SFRP4: variants seen among roughly 807,000 people sequenced by gnomAD.
The protein encoded by SFRP4 is secreted frizzled related protein 4.
SFRP4 carries 25 observed loss-of-function variants against 36.3 expected under a neutral mutation model. That is an observed-to-expected ratio of 0.69 (90% CI 0.50 to 0.96). The LOEUF (loss-of-function observed/expected upper bound fraction) is 0.96. Ranked by LOEUF, SFRP4 falls within the 40% of genes least tolerant of loss-of-function variation. The pLI is 0.00. For synonymous variants in SFRP4, 182 were observed against 168.8 expected (o/e 1.08, Z -0.60); for missense variants, 487 against 459.6 (o/e 1.06, Z -0.54).
chr7:37,916,473 G>A lies in SFRP4; in HGVS notation c.65C>T (p.Ala22Val), dbSNP rs769250207. 1.9e-5 allele frequency: 30 copies of A among 1,613,022 alleles called. No homozygotes were observed. The highest frequency in any genetic ancestry group is 2.2e-5 in the Non-Finnish European group (26 of 1,179,638). The change falls in exon 1 of 6, where the codon GCG (alanine) becomes GTG (valine). Residue 22 changes from alanine to valine, a missense_variant. By Grantham distance (64) the Ala-to-Val change is moderately conservative (BLOSUM62 0). Coordinates refer to ENST00000436072, the MANE Select transcript of SFRP4 (RefSeq NM_003014.4). The surrounding 1 kb of genome is among the most constrained non-coding windows in gnomAD (Gnocchi z 4.1). ...AGGGATGCGCACCGCCTCGCAGGGCGCGCCGCGCACGCCCAGCGCCAGGTG... is the reference window on the plus strand; with the variant it reads ...AGGGATGCGCACCGCCTCGCAGGGCACGCCGCGCACGCCCAGCGCCAGGTG... ...WLHLALGVRG[A>V]PCEAVRIPMC... is the part of the protein sequence containing the mutation.
chr7:37,910,222 CTAACAT>C (rs1785461887), intron 4 of SFRP4, among the ~76,000 whole-genome samples: 1 of 151,948 alleles, frequency 6.6e-6, no homozygotes, highest in African/African-American at 2.4e-5. Context: ...ATCCAATTCA[CTAACAT>C]TAAGAATTAG....
chr7:37,909,341 A>G (rs1362795561), intron 5 of SFRP4, among the ~76,000 whole-genome samples: 2 of 152,174 alleles, frequency 1.3e-5, no homozygotes, highest in African/African-American at 4.8e-5. Flanking sequence ...AACTACATGT[A>G]ATAAAGAAAC....
chr7:37,916,280 G>T lies in SFRP4; in HGVS notation c.258C>A (p.Thr86=). ...FLCAMYAPIC[T]LEFLHDPIKP... is the part of the protein sequence containing the mutation. ...TGATAGGGTCGTGCAGGAACTCCAG[G>T]GTGCAAATGGGCGCGTACATGGCAC... The change falls in exon 1 of 6, where the codon ACC becomes ACA. Residue 86 remains threonine, a synonymous_variant. Coordinates refer to ENST00000436072, the MANE Select transcript of SFRP4 (RefSeq NM_003014.4). The surrounding 1 kb of genome is among the most constrained non-coding windows in gnomAD (Gnocchi z 4.1). The T allele has an allele frequency of 6.2e-7, 1 of 1,614,192 alleles. No individual in the cohort carries two copies. The highest frequency in any genetic ancestry group is 1.1e-5 in the South Asian group (1 of 91,084).
At chr7:37,911,686 T>C (rs1785489786) in intron 4 of SFRP4, among the ~76,000 whole-genome samples, 1 of 152,192 alleles carries the variant, frequency 6.6e-6, no homozygotes, top group African/African-American at 2.4e-5. Context: ...TTTGCAATAC[T>C]CTATCAAATA....
chr7:37,915,827 A>G (rs186551673), intron 1 of SFRP4, among the ~76,000 whole-genome samples: 137 of 152,328 alleles, frequency 9.0e-4, no homozygotes, highest in Non-Finnish European at 1.7e-3. Context: ...TTCTGTTATT[A>G]CTATAAATGC....
chr7:37,912,010 TA>T (rs1785495486), intron 4 of SFRP4, 108 bp downstream of exon 4: 2 of 781,254 alleles, frequency 2.6e-6, no homozygotes, highest in Non-Finnish European at 4.1e-6. Context: ...CTAATTTTTT[TA>T]AAAAGACTTT....
Position 37,907,262 on chromosome 7 carries a change from C to T in SFRP4, c.*217G>A. The stretch of plus-strand genomic sequence containing the variant: ...TTTTCCACCAGCTTTAACTCACCTT[C>T]TGTACCAAAGGGCAAACCTACCACT... On this transcript the variant is annotated 3_prime_UTR_variant, in exon 6 of 6. Transcript: ENST00000436072. 1 of 466,694 alleles carries T rather than the reference C, an allele frequency of 2.1e-6. No homozygotes were observed. The highest frequency in any genetic ancestry group is 3.8e-6 in the Non-Finnish European group (1 of 264,628). 28.9% of individuals were successfully genotyped at this position (466,694 alleles called of 1,614,324 possible).
intron 1 of SFRP4, among the ~76,000 whole-genome samples, chr7:37,914,864 CA>C (rs1304854848): frequency 1.3e-5 from 2 of 151,992 alleles, no homozygotes; most frequent in Non-Finnish European, 2.9e-5. Context: ...GGCTCCATCT[CA>C]AAAAAAGAAA....
rs764670979 is a variant in SFRP4 at position 37,909,670 on chromosome 7, G to T, written c.802C>A (p.Leu268Ile). 13 of 1,576,426 alleles carry T rather than the reference G, an allele frequency of 8.2e-6. No individual in the cohort carries two copies. The highest frequency in any genetic ancestry group is 1.1e-5 in the Non-Finnish European group (13 of 1,157,806). ...CYEWRSRMML[L>I]ENCLVEKWRD... is the part of the protein sequence containing the mutation. ...CATTTTTCAACTAAGCAATTTTCAAGAAGCATCATCCTGAAAAAAAATTAT... is the reference window on the plus strand; with the variant it reads ...CATTTTTCAACTAAGCAATTTTCAATAAGCATCATCCTGAAAAAAAATTAT... Residue 268 changes from leucine (L) to isoleucine (I), a missense_variant, in exon 5 of 6, where the codon CTT becomes ATT. Coordinates refer to ENST00000436072, the MANE Select transcript of SFRP4 (RefSeq NM_003014.4).
In SFRP4 at chr7:37,910,186, G is replaced by C. The variant is rs533131048; in HGVS notation, c.792-506C>G. On this transcript the variant is annotated intron_variant, in intron 4 of 5. Transcript: ENST00000436072. Reference sequence around the variant, plus strand: ...AAAGATTTTCAATGCATAGTGCCAAGTTGTTTTCAAAATGGTTGCACTTTC... The same window carrying C: ...AAAGATTTTCAATGCATAGTGCCAACTTGTTTTCAAAATGGTTGCACTTTC... 3.9e-5 allele frequency among the ~76,000 whole-genome samples: 6 copies of C among 152,070 alleles called. No homozygotes were observed. The East Asian group carries it at 9.6e-4, about 24-fold the overall frequency.
In SFRP4 at chr7:37,907,229, A is replaced by C; in HGVS notation, c.*250T>G. Reference sequence around the variant, plus strand: ...ACACAGGTTACTCTGAATGCAATGCAATAAGCCTTTTCCACCAGCTTTAAC... The same window carrying C: ...ACACAGGTTACTCTGAATGCAATGCCATAAGCCTTTTCCACCAGCTTTAAC... On this transcript the variant is annotated 3_prime_UTR_variant, in exon 6 of 6. Coordinates refer to ENST00000436072, the MANE Select transcript of SFRP4 (RefSeq NM_003014.4). 1 of 392,628 alleles carries C rather than the reference A, an allele frequency of 2.5e-6. No individual in the cohort carries two copies. The highest frequency in any genetic ancestry group is 4.5e-6 in the Non-Finnish European group (1 of 220,684). The allele number at this position is 392,628 out of a possible 1,614,324, so 24.3% of individuals were successfully genotyped here.
At position 37,916,571 on chromosome 7, in the gene SFRP4, CAGAA is replaced by C. The variant is rs759853585; in HGVS notation, c.-38_-35del. ...CCTCTCGCGCTGCGACCCCGGCAGA[CAGAA>C]AGCGCCCTTCTCTTCCTGCCACCCT... On this transcript the variant is annotated 5_prime_UTR_variant, in exon 1 of 6. Transcript: ENST00000436072. This position sits in a 1 kb window ranked among gnomAD's most constrained non-coding sequence, Gnocchi z 4.1. 5.0e-6 allele frequency: 8 copies of C among 1,585,204 alleles called. No individual in the cohort carries two copies. The Admixed American group carries it at 6.8e-5, about 13-fold the overall frequency.
intron 5 of SFRP4, among the ~76,000 whole-genome samples, chr7:37,909,383 A>G (rs1227438972): frequency 6.6e-6 from 1 of 152,174 alleles, no homozygotes; most frequent in Non-Finnish European, 1.5e-5. Flanking sequence ...AATAACCAGT[A>G]CCTTAGTATT....
Position 37,916,033 on chromosome 7 carries a change from G to A in SFRP4, c.445+60C>T, listed in dbSNP as rs1475296759. The A allele has an allele frequency of 6.4e-6, 10 of 1,554,248 alleles. No individual in the cohort carries two copies. In the East Asian group the frequency reaches 6.8e-5, roughly 11 times the overall value. On this transcript the variant is annotated intron_variant, in intron 1 of 5. Coordinates refer to ENST00000436072, the MANE Select transcript of SFRP4 (RefSeq NM_003014.4). This position sits in a 1 kb window ranked among gnomAD's most constrained non-coding sequence, Gnocchi z 4.1. ...CCTTAGGTGTGGCCGCCCAGTTCTC[G>A]ATTGGCAGCCACAGCCCCGGGCGCC...
At chr7:37,911,649 A>T (rs1785488758) in intron 4 of SFRP4, among the ~76,000 whole-genome samples, 1 of 106,700 alleles carries the variant, frequency 9.4e-6, no homozygotes, top group African/African-American at 3.0e-5. Context: ...AATCACCTTA[A>T]AGTGTGTGTG....
intron 1 of SFRP4, 95 bp downstream of exon 1, chr7:37,915,998 C>T (rs962375884): frequency 1.1e-5 from 17 of 1,505,746 alleles, no homozygotes; most frequent in Non-Finnish European, 1.5e-5. Flanking sequence ...GCCTCAGACG[C>T]CCCTGGCAGC....
rs776146633 is a variant in SFRP4 at position 37,916,386 on chromosome 7, T to C, written c.152A>G (p.Gln51Arg). The C allele has an allele frequency of 2.5e-6, 4 of 1,614,080 alleles. No homozygotes were observed. Among genetic ancestry groups the C allele is most frequent in the African/African-American group, 1.3e-5 (1 of 74,940 alleles). ...RMPNHLHHST[Q>R]ENAILAIEQY... ...CTCGATGGCCAGGATGGCGTTCTCC[T>C]GCGTGCTGTGGTGCAGGTGGTTGGG... The change falls in exon 1 of 6, where the codon CAG becomes CGG. Residue 51 changes from glutamine to arginine, a missense_variant. Coordinates refer to ENST00000436072, the MANE Select transcript of SFRP4 (RefSeq NM_003014.4). This position sits in a 1 kb window ranked among gnomAD's most constrained non-coding sequence, Gnocchi z 4.1.
chr7:37,914,942 T>C (rs1373811984), intron 1 of SFRP4, among the ~76,000 whole-genome samples: 3 of 152,232 alleles, frequency 2.0e-5, no homozygotes, highest in African/African-American at 7.2e-5. Flanking sequence ...TTCATAATGA[T>C]ATCCAGGGCT....
In SFRP4 at chr7:37,914,175, C is replaced by G. The variant is rs148047662; in HGVS notation, c.592+38G>C. ...TTGAGATTCCAGCTTTGTAATGAAC[C>G]AAGTCTCAAAAGTAAATGGCTTTAA... On this transcript the variant is annotated intron_variant, in intron 3 of 5. Transcript: ENST00000436072. The G allele has an allele frequency of 1.9e-4, 292 of 1,502,674 alleles. 2 individuals carry two copies. In the African/African-American group the frequency reaches 3.1e-3, roughly 16 times the overall value. The allele number at this position is 1,502,674 out of a possible 1,614,324, so 93.1% of individuals were successfully genotyped here. A position where few individuals can be genotyped will look rare whatever the true frequency, so the allele number is the denominator to read the frequency against.
Sources: allele counts gnomAD v4.1 joint callset (sites outside exome capture counted in the v4.1 genomes callset), GRCh38; gene constraint gnomAD v4.1.1; non-coding constraint Gnocchi (gnomAD v3.1); transcripts MANE v1.5; gene names NCBI Gene and HGNC (gene_info 2026-07-23, HGNC 2026-07-21).